UBE2E3: variants seen among roughly 807,000 people sequenced by gnomAD.
The protein encoded by UBE2E3 is ubiquitin conjugating enzyme E2 E3.
A neutral mutation model predicts 23.6 loss-of-function variants in UBE2E3; 5 were observed. That is an observed-to-expected ratio of 0.21 (90% confidence interval 0.11 to 0.44). The LOEUF (loss-of-function observed/expected upper bound fraction) is 0.44. UBE2E3 is among the 20% of genes least tolerant of loss of function. The probability of loss-of-function intolerance (pLI) is 0.99; values close to 1 mark genes in which losing one functional copy is unlikely to be tolerated. For missense variants in UBE2E3, 81 were observed against 249.8 expected (o/e 0.32, Z 4.55); for synonymous variants, 78 against 87.5 (o/e 0.89, Z 0.60).
chr2:181,063,249 T>G lies in UBE2E3; in HGVS notation c.*361T>G. 6.5e-6 allele frequency: 1 copy of G among 154,552 alleles called. No homozygotes were observed. The highest frequency in any genetic ancestry group is 1.4e-5 in the Non-Finnish European group (1 of 69,310). The allele number at this position is 154,552 out of a possible 1,614,324, so 9.6% of individuals were successfully genotyped here. A position where few individuals can be genotyped will look rare whatever the true frequency, so the allele number is the denominator to read the frequency against. On this transcript the variant is annotated 3_prime_UTR_variant, in exon 6 of 6. Coordinates refer to ENST00000410062, the MANE Select transcript of UBE2E3 (RefSeq NM_006357.4). The surrounding 1 kb of genome is among the most constrained non-coding windows in gnomAD (Gnocchi z 4.1). ...AAAAGTAGCTGTAGATGGCTAGGAA[T>G]TATGTCATTTGTATTAAACCCAGAT...
chr2:181,018,598 GTTTTTT>G (rs4018770), intron 3 of UBE2E3, among the ~76,000 whole-genome samples: 51 of 128,992 alleles, frequency 4.0e-4, no homozygotes, highest in African/African-American at 1.1e-3. Flanking sequence ...CAATTTCTGT[GTTTTTT>G]TTTTTTTTTT....
chr2:181,029,659 CTTTTTTTTTTTT>C (rs61149975), intron 3 of UBE2E3, among the ~76,000 whole-genome samples: 1 of 116,852 alleles, frequency 8.6e-6, no homozygotes, highest in Non-Finnish European at 1.7e-5. Context: ...TGTAGACAAT[CTTTTTTTTTTTT>C]TTTTTTTTAA....
chr2:181,061,013 A>G (rs1687137559), intron 5 of UBE2E3, among the ~76,000 whole-genome samples: 1 of 151,190 alleles, frequency 6.6e-6, no homozygotes, highest in East Asian at 1.9e-4. Context: ...CAATACCTTC[A>G]TTTAATTTGT....
At chr2:180,984,354 C>G (rs748747010) in intron 3 of UBE2E3, among the ~76,000 whole-genome samples, 4 of 152,090 alleles carry the variant, frequency 2.6e-5, no homozygotes, top group Non-Finnish European at 4.4e-5. Context: ...GATTTTTGTT[C>G]TGATGTATTT....
intron 3 of UBE2E3, among the ~76,000 whole-genome samples, chr2:181,039,041 A>G (rs1030629720): frequency 6.6e-6 from 1 of 151,290 alleles, no homozygotes; most frequent in Non-Finnish European, 1.5e-5. Flanking sequence ...ACTTACTACC[A>G]TGTGACTCAG....
At chr2:181,060,230 T>C (rs1687103481) in intron 4 of UBE2E3, among the ~76,000 whole-genome samples, 1 of 151,690 alleles carries the variant, frequency 6.6e-6, no homozygotes, top group African/African-American at 2.4e-5. Flanking sequence ...TACTGATCTT[T>C]TCTAGTAAGA....
intron 3 of UBE2E3, among the ~76,000 whole-genome samples, chr2:181,001,771 G>A (rs1684997291): frequency 6.6e-6 from 1 of 152,092 alleles, no homozygotes; most frequent in African/African-American, 2.4e-5. Context: ...TAACAAATTG[G>A]GGAGGGCGGA....
chr2:180,992,696 C>G (rs1684702338), intron 3 of UBE2E3, among the ~76,000 whole-genome samples: 1 of 152,110 alleles, frequency 6.6e-6, no homozygotes, highest in Non-Finnish European at 1.5e-5. Context: ...GAGTCTCACT[C>G]TGTTACCCAG....
At chr2:180,994,555 T>C (rs537809598) in intron 3 of UBE2E3, among the ~76,000 whole-genome samples, 1 of 152,352 alleles carries the variant, frequency 6.6e-6, no homozygotes, top group African/African-American at 2.4e-5. Flanking sequence ...AATCAGTCAT[T>C]GTTTAGGTTT....
At chr2:181,015,642 A>C (rs955436682) in intron 3 of UBE2E3, among the ~76,000 whole-genome samples, 2 of 152,202 alleles carry the variant, frequency 1.3e-5, no homozygotes, top group Admixed American at 1.3e-4. Context: ...AATAACAGAT[A>C]AGGATGGAAT....
chr2:181,007,847 G>A (rs1364346440), intron 3 of UBE2E3, among the ~76,000 whole-genome samples: 1 of 152,158 alleles, frequency 6.6e-6, no homozygotes, highest in Admixed American at 6.5e-5. Context: ...GTGTGAATAA[G>A]AAACTGAATT....
intron 3 of UBE2E3, among the ~76,000 whole-genome samples, chr2:180,994,543 G>A (rs951593503): frequency 5.9e-5 from 9 of 152,072 alleles, no homozygotes; most frequent in South Asian, 2.1e-4. Flanking sequence ...CAGTAGCTCC[G>A]TAATCAGTCA....
At chr2:180,991,932 G>T (rs145723967) in intron 3 of UBE2E3, among the ~76,000 whole-genome samples, 1 of 152,288 alleles carries the variant, frequency 6.6e-6, no homozygotes, top group African/African-American at 2.4e-5. Context: ...TTTGGACTGT[G>T]GTTGACCTAG....
chr2:181,031,911 A>G (rs1420576703), intron 3 of UBE2E3, among the ~76,000 whole-genome samples: 1 of 152,206 alleles, frequency 6.6e-6, no homozygotes, highest in Non-Finnish European at 1.5e-5. Context: ...AGTGACTTTT[A>G]AAATGCCAGT....
intron 3 of UBE2E3, among the ~76,000 whole-genome samples, chr2:181,011,250 G>C (rs537679190): frequency 3.9e-5 from 6 of 152,080 alleles, no homozygotes; most frequent in Admixed American, 3.3e-4. Flanking sequence ...CCAATATCAG[G>C]GTGCTGGCAG....
chr2:181,056,936 T>TA (rs1238698418), intron 3 of UBE2E3, among the ~76,000 whole-genome samples: 1 of 151,742 alleles, frequency 6.6e-6, no homozygotes, highest in Non-Finnish European at 1.5e-5. Context: ...GGACACATAC[T>TA]ATTTCAGCCA....
intron 3 of UBE2E3, among the ~76,000 whole-genome samples, chr2:181,001,115 C>T (rs1196670986): frequency 6.6e-6 from 1 of 152,182 alleles, no homozygotes; most frequent in African/African-American, 2.4e-5. Context: ...TGGACTCTTT[C>T]AGAAACCTGT....
At chr2:181,011,921 C>T (rs1486331293) in intron 3 of UBE2E3, among the ~76,000 whole-genome samples, 1 of 151,966 alleles carries the variant, frequency 6.6e-6, no homozygotes, top group African/African-American at 2.4e-5. Flanking sequence ...TTAAAATTTC[C>T]TGAGTGAGGG....
intron 3 of UBE2E3, among the ~76,000 whole-genome samples, chr2:181,039,212 A>T (rs903774171): frequency 2.9e-5 from 4 of 139,892 alleles, no homozygotes; most frequent in Non-Finnish European, 6.0e-5. Context: ...GCTCTATATC[A>T]TGGTTGTAGT....
Sources: allele counts gnomAD v4.1 joint callset (sites outside exome capture counted in the v4.1 genomes callset), GRCh38; gene constraint gnomAD v4.1.1; non-coding constraint Gnocchi (gnomAD v3.1); transcripts MANE v1.5; gene names NCBI Gene and HGNC (gene_info 2026-07-23, HGNC 2026-07-21).